The following BDP1 variants were observed in gnomAD, a reference collection of about 807,000 sequenced individuals.
The protein encoded by BDP1 is BDP1 general transcription factor IIIB subunit.
BDP1 carries 169 observed loss-of-function variants against 266.6 expected under a neutral mutation model. The ratio of observed to expected loss-of-function variants is 0.63; its 90% CI spans 0.56 to 0.72. The LOEUF (loss-of-function observed/expected upper bound fraction) is 0.72, where lower values mean the gene tolerates loss of function less well. Among genes scored for constraint, BDP1 ranks in the 30% least tolerant of loss-of-function variants. The pLI is 0.00. For synonymous variants in BDP1, 1,090 were observed against 1,022.4 expected, an observed-to-expected ratio of 1.07 and a Z score of -1.26; for missense variants, 3,015 against 3,053.8, an observed-to-expected ratio of 0.99 and a Z score of 0.30.
intron 25 of BDP1, among the ~76,000 whole-genome samples, chr5:71,530,622 C>A (rs1171671466): frequency 6.6e-6 from 1 of 151,986 alleles, no homozygotes; most frequent in Non-Finnish European, 1.5e-5. Context: ...TAGGCTCAAG[C>A]GACCCTCACA....
chr5:71,495,238 TC>T lies in BDP1; in HGVS notation c.1641-11del. On this transcript the variant is annotated splice_polypyrimidine_tract_variant and intron_variant, in intron 11 of 38. Coordinates refer to ENST00000358731, the MANE Select transcript of BDP1 (RefSeq NM_018429.3). ...GAATTCTTTTCTCTCTGAAATATTT[TC>T]TTTTTTTTAGTAATCAACAAGATGC... 1 of 1,498,062 alleles carries T rather than the reference TC, an allele frequency of 6.7e-7. No individual in the cohort carries two copies. Among genetic ancestry groups the T allele is most frequent in the Non-Finnish European group, 9.0e-7 (1 of 1,115,504 alleles). The allele number at this position is 1,498,062 out of a possible 1,614,324, so 92.8% of individuals were successfully genotyped here. A position where few individuals can be genotyped will look rare whatever the true frequency, so the allele number is the denominator to read the frequency against.
At chr5:71,575,433 C>A in the BDP1 span, among the ~76,000 whole-genome samples, 1 of 152,272 alleles carries the variant, frequency 6.6e-6, no homozygotes, top group Non-Finnish European at 1.5e-5. Context: ...AGTAAAAGAA[C>A]AATTGGATGC....
At chr5:71,525,422 C>T (rs1249973623) in intron 25 of BDP1, among the ~76,000 whole-genome samples, 2 of 125,250 alleles carry the variant, frequency 1.6e-5, no homozygotes, top group Admixed American at 7.8e-5. Flanking sequence ...CCGGACGGGG[C>T]GGCTGGCCGG....
At position 71,509,855 on chromosome 5, in the gene BDP1, C is replaced by A; in HGVS notation, c.2763C>A (p.Ala921=). ...LREKTPEVID[A]TEEIDKDLEE... is the part of the protein sequence containing the mutation. ...AGAAGACGCCAGAGGTGATTGATGCCACTGAGGAAATAGACAAAGATTTGG... is the reference window on the plus strand; with the variant it reads ...AGAAGACGCCAGAGGTGATTGATGCAACTGAGGAAATAGACAAAGATTTGG... The change falls in exon 17 of 39, where the codon GCC becomes GCA. Residue 921 remains alanine (A), a synonymous_variant. Coordinates refer to ENST00000358731, the MANE Select transcript of BDP1 (RefSeq NM_018429.3). The A allele has an allele frequency of 1.2e-6, 2 of 1,613,610 alleles. No homozygotes were observed. Among genetic ancestry groups the A allele is most frequent in the Non-Finnish European group, 1.7e-6 (2 of 1,179,908 alleles).
intron 3 of BDP1, among the ~76,000 whole-genome samples, chr5:71,463,815 C>T (rs1393604070): frequency 7.5e-6 from 1 of 133,020 alleles, no homozygotes; most frequent in African/African-American, 2.8e-5. Context: ...CACAGCAAGA[C>T]CCTGTTGTTG....
At chr5:71,547,372 T>C (rs939793652) in intron 32 of BDP1, among the ~76,000 whole-genome samples, 1 of 152,120 alleles carries the variant, frequency 6.6e-6, no homozygotes, top group Non-Finnish European at 1.5e-5. Context: ...AACTTACATA[T>C]TTTAGGGCAA....
At position 71,510,862 on chromosome 5, in the gene BDP1, C is replaced by G; in HGVS notation, c.3770C>G (p.Thr1257Ser). 1 of 1,613,304 alleles carries G rather than the reference C, an allele frequency of 6.2e-7. No homozygotes were observed. Among genetic ancestry groups the G allele is most frequent in the South Asian group, 1.1e-5 (1 of 91,008 alleles). Residue 1257 changes from threonine (T) to serine (S), a missense_variant, in exon 17 of 39, where the codon ACT becomes AGT. Coordinates refer to ENST00000358731, the MANE Select transcript of BDP1 (RefSeq NM_018429.3). ...IREKEIDLKE[T>S]GKRDIPIMEK... ...GAAAAGGAGATTGATTTGAAAGAAA[C>G]TGGAAAAAGAGACATTCCCATCATG...
In BDP1 at chr5:71,553,220, G is replaced by A. The variant is rs771642265; in HGVS notation, c.7100G>A (p.Arg2367Lys). The A allele has an allele frequency of 6.2e-7, 1 of 1,613,322 alleles. No individual in the cohort carries two copies. Among genetic ancestry groups the A allele is most frequent in the Non-Finnish European group, 8.5e-7 (1 of 1,179,904 alleles). The change falls in exon 35 of 39, where the codon AGG becomes AAG. Residue 2367 changes from arginine (R) to lysine (K), a missense_variant. By Grantham distance (26) the Arg-to-Lys change is conservative. This residue lies in a region of BDP1 where 629 missense variants were observed against 632.5 expected (regional missense o/e 0.99). Transcript: ENST00000358731. The stretch of plus-strand genomic sequence containing the variant: ...CCTGATAATTTGGATCTTGTATCTA[G>A]GAAGAGATTTCAATGCAGGCTTGAT... ...KPPDNLDLVS[R>K]KRFQCRLDKN...
At chr5:71,489,366 G>T in intron 9 of BDP1, 38 bp from the exon 10 acceptor site, 1 of 1,500,380 alleles carries the variant, frequency 6.7e-7, no homozygotes, top group South Asian at 1.3e-5. Flanking sequence ...TTTTCTTTAG[G>T]TTGTTTAAAT....
Position 71,510,901 on chromosome 5 carries a change from G to A in BDP1, c.3809G>A (p.Gly1270Glu). 1 of 1,613,820 alleles carries A rather than the reference G, an allele frequency of 6.2e-7. No homozygotes were observed. The highest frequency in any genetic ancestry group is 8.5e-7 in the Non-Finnish European group (1 of 1,179,792). The change falls in exon 17 of 39, where the codon GGA becomes GAA. Residue 1270 changes from glycine to glutamate, a missense_variant. Gly to Glu is a moderately conservative substitution (Grantham distance 98). Around this residue, in one of 3 missense-constraint regions of BDP1, gnomAD observed 2,383 missense variants for 2,404.9 expected, o/e 0.99. Transcript: ENST00000358731. ...RDIPIMEKVS[G>E]KMAVVEEMEA... ...ATTCCCATCATGGAGAAAGTATCAG[G>A]AAAGATGGCTGTTGTTGAAGAAATG...
chr5:71,462,112 G>A (rs758397431), intron 3 of BDP1, among the ~76,000 whole-genome samples, 186 bp downstream of exon 3: 1 of 151,966 alleles, frequency 6.6e-6, no homozygotes, highest in East Asian at 1.9e-4. Flanking sequence ...ACAGATGCTC[G>A]CCACCACACC....
chr5:71,576,145 A>C, the BDP1 span, among the ~76,000 whole-genome samples: 1 of 152,184 alleles, frequency 6.6e-6, no homozygotes, highest in Non-Finnish European at 1.5e-5. Flanking sequence ...TGGCCATGTT[A>C]GCCATAATAT....
intron 26 of BDP1, among the ~76,000 whole-genome samples, chr5:71,535,257 A>C (rs946539307): frequency 5.9e-5 from 9 of 151,392 alleles, no homozygotes; most frequent in Non-Finnish European, 1.3e-4. Flanking sequence ...GCTGGAGTGC[A>C]ATGGCGCAAT....
chr5:71,497,353 A>G lies in BDP1; in HGVS notation c.1883A>G (p.Lys628Arg). The G allele has an allele frequency of 6.2e-7, 1 of 1,613,838 alleles. No individual in the cohort carries two copies. Among genetic ancestry groups the G allele is most frequent in the Non-Finnish European group, 8.5e-7 (1 of 1,179,884 alleles). ...AAACCCAATTTGTCAAGGGCTGGGA[A>G]GAAATCAGTTCTTTCACAAGGCAAA... ...RPKPNLSRAG[K>R]KSVLSQGKTE... The change falls in exon 13 of 39, where the codon AAG becomes AGG. Residue 628 changes from lysine to arginine, a missense_variant. Physicochemically the swap from Lys to Arg is conservative, Grantham distance 26. Around this residue, in one of 3 missense-constraint regions of BDP1, gnomAD observed 2,383 missense variants for 2,404.9 expected, o/e 0.99. Coordinates refer to ENST00000358731, the MANE Select transcript of BDP1 (RefSeq NM_018429.3).
rs1196206362 is a variant in BDP1 at position 71,504,294 on chromosome 5, AAAATT to A, written c.2242-326_2242-322del. On this transcript the variant is annotated intron_variant, in intron 15 of 38. Coordinates refer to ENST00000358731, the MANE Select transcript of BDP1 (RefSeq NM_018429.3). The stretch of plus-strand genomic sequence containing the variant: ...TCTCAAAAAAAAAAAAAAAGAAAAA[AAAATT>A]CCCGTGATCTATAATGCATTTATAG... Among the ~76,000 whole-genome samples, 249 of 152,006 alleles carry A rather than the reference AAAATT, an allele frequency of 1.6e-3. 5 individuals are homozygous for A. Among genetic ancestry groups the A allele is most frequent in the Non-Finnish European group, 1.2e-4 (8 of 68,002 alleles).
Position 71,554,972 on chromosome 5 carries a change from C to G in BDP1, c.7200+1652C>G, listed in dbSNP as rs1743114669. ...GCATTTCCTTTGAGTGTCATGTCAG[C>G]ACTCAAAAAGTTTAGAATTTTGGAG... On this transcript the variant is annotated intron_variant, in intron 35 of 38. Transcript: ENST00000358731. 2.0e-5 allele frequency among the ~76,000 whole-genome samples: 3 copies of G among 152,226 alleles called. 1 individual carries two copies. The South Asian group carries it at 6.2e-4, about 32-fold the overall frequency.
chr5:71,528,413 G>C (rs1189514175), intron 25 of BDP1, among the ~76,000 whole-genome samples: 3 of 152,088 alleles, frequency 2.0e-5, no homozygotes, highest in Non-Finnish European at 4.4e-5. Flanking sequence ...CACTTCTTTG[G>C]CTTACTGAGG....
At chr5:71,482,342 A>T (rs1485667305) in intron 7 of BDP1, among the ~76,000 whole-genome samples, 2 of 152,214 alleles carry the variant, frequency 1.3e-5, no homozygotes. Flanking sequence ...AGCCAAGGTA[A>T]ACATGGGCAC....
At position 71,564,895 on chromosome 5, in the gene BDP1, T is replaced by C. The variant is rs1743934145; in HGVS notation, c.*10T>C. 6.3e-7 allele frequency: 1 copy of C among 1,576,268 alleles called. No homozygotes were observed. The highest frequency in any genetic ancestry group is 8.6e-7 in the Non-Finnish European group (1 of 1,166,858). The stretch of plus-strand genomic sequence containing the variant: ...GGATGAAACAGAATAAAACAATCTT[T>C]TCTCTTTTTCTTTTTTAAATTAGGT... On this transcript the variant is annotated 3_prime_UTR_variant, in exon 39 of 39. Coordinates refer to ENST00000358731, the MANE Select transcript of BDP1 (RefSeq NM_018429.3).
Sources: gnomAD v4.1 joint callset for allele counts (sites outside exome capture counted in the v4.1 genomes callset) on GRCh38, gnomAD v4.1.1 for gene constraint, gnomAD v4.1.1 regional missense constraint, MANE v1.5 for transcripts, NCBI Gene and HGNC (gene_info 2026-07-23, HGNC 2026-07-21) for gene names.